The following PXK variants were observed in gnomAD, a reference collection of about 807,000 sequenced individuals.
PXK encodes the protein PX domain-containing protein kinase-like protein.
Under a neutral mutation model 84.7 loss-of-function variants are expected in PXK, and 35 were observed. The ratio of observed to expected loss-of-function variants is 0.41; its 90% confidence interval spans 0.32 to 0.55. PXK has a LOEUF of 0.55. Among genes scored for constraint, PXK ranks in the 20% least tolerant of loss-of-function variants. PXK has a pLI of 0.21. For synonymous variants in PXK, 253 were observed against 260.8 expected (o/e 0.97, Z 0.29); for missense variants, 634 against 699.7 (o/e 0.91, Z 1.06).
At chr3:58,368,075 G>A (rs530504203) in intron 2 of PXK, among the ~76,000 whole-genome samples, 54 of 151,584 alleles carry the variant, frequency 3.6e-4, no homozygotes, top group African/African-American at 1.3e-3. Flanking sequence ...AAGCTCAAGG[G>A]ATCCTCCTGC....
rs923337577 is a variant in PXK at position 58,421,322 on chromosome 3, C to G, written c.1529-3430C>G. ...GGGAGCCAGGCGCAGTGGCTCACAT[C>G]TATAATCTCAGCACTTTGGGAGGCT... On this transcript the variant is annotated intron_variant, in intron 17 of 17. Coordinates refer to ENST00000356151, the MANE Select transcript of PXK (RefSeq NM_017771.5). The surrounding 1 kb of genome is among the most constrained non-coding windows in gnomAD (Gnocchi z 5.5). 38 of 984,514 alleles carry G rather than the reference C, an allele frequency of 3.9e-5. No individual in the cohort carries two copies. The highest frequency in any genetic ancestry group is 1.8e-4 in the Admixed American group (3 of 16,266). 61.0% of individuals were successfully genotyped at this position (984,514 alleles called of 1,614,324 possible).
chr3:58,418,869 G>C (rs1451998378), intron 17 of PXK, among the ~76,000 whole-genome samples: 2 of 152,166 alleles, frequency 1.3e-5, no homozygotes, highest in African/African-American at 4.8e-5. Flanking sequence ...GTGGGAGCCC[G>C]CCCTCTGAAG....
intron 3 of PXK, among the ~76,000 whole-genome samples, chr3:58,374,951 A>G (rs931718848): frequency 6.6e-6 from 1 of 152,218 alleles, no homozygotes; most frequent in Admixed American, 6.5e-5. Flanking sequence ...TAGCAGGGAC[A>G]TTATAATTGC....
At position 58,385,785 on chromosome 3, in the gene PXK, C is replaced by A. The variant is rs560788482; in HGVS notation, c.388+3085C>A. On this transcript the variant is annotated intron_variant, in intron 4 of 17. Coordinates refer to ENST00000356151, the MANE Select transcript of PXK (RefSeq NM_017771.5). This position sits in a 1 kb window ranked among gnomAD's most constrained non-coding sequence, Gnocchi z 5.1. Reference sequence around the variant, plus strand: ...AAGTGCTGGGATTACAGGCATGAGCCACTGTGCCTGGCCCACTTTTCCCTT... The same window carrying A: ...AAGTGCTGGGATTACAGGCATGAGCAACTGTGCCTGGCCCACTTTTCCCTT... Among the ~76,000 whole-genome samples, 2 of 152,188 alleles carry A rather than the reference C, an allele frequency of 1.3e-5. No homozygotes were observed. The highest frequency in any genetic ancestry group is 2.9e-5 in the Non-Finnish European group (2 of 68,034).
intron 4 of PXK, among the ~76,000 whole-genome samples, chr3:58,387,113 C>T (rs2106670938): frequency 6.6e-6 from 1 of 152,324 alleles, no homozygotes; most frequent in South Asian, 2.1e-4. Flanking sequence ...AATTCAATGA[C>T]TGCTCGCACT....
At chr3:58,413,015 AG>A (rs1169994348) in intron 17 of PXK, 52 bp downstream of exon 17, 2 of 1,577,768 alleles carry the variant, frequency 1.3e-6, no homozygotes, top group African/African-American at 2.7e-5. Context: ...CAACAGGAGG[AG>A]CGGGCTGTGC....
At chr3:58,395,882 CAT>C in intron 9 of PXK, 123 bp downstream of exon 9, 1 of 713,944 alleles carries the variant, frequency 1.4e-6, no homozygotes. Flanking sequence ...AAACTGATTG[CAT>C]TGTCATATTT....
Position 58,376,953 on chromosome 3 carries a change from AT to A in PXK, c.202-5559del, listed in dbSNP as rs538977516. ...CTGTGCCCGGCCTACCCTTGATTTA[AT>A]TCATCATGTCCTTGAACCAAAAAAT... On this transcript the variant is annotated intron_variant, in intron 3 of 17. Coordinates refer to ENST00000356151, the MANE Select transcript of PXK (RefSeq NM_017771.5). Among the ~76,000 whole-genome samples the A allele has an allele frequency of 1.5e-4, 23 of 152,280 alleles. No individual in the cohort carries two copies. The East Asian group carries it at 4.2e-3, about 28-fold the overall frequency.
chr3:58,407,610 G>C lies in PXK; in HGVS notation c.1231-1314G>C, dbSNP rs1452662212. On this transcript the variant is annotated intron_variant, in intron 13 of 17. Coordinates refer to ENST00000356151, the MANE Select transcript of PXK (RefSeq NM_017771.5). The surrounding 1 kb of genome is among the most constrained non-coding windows in gnomAD (Gnocchi z 4.3). ...GGGGCTCGTTCTGTTGCTTAGGCTGGAGTGCAGCAGCACAATCTCAGCTCA... is the reference window on the plus strand; with the variant it reads ...GGGGCTCGTTCTGTTGCTTAGGCTGCAGTGCAGCAGCACAATCTCAGCTCA... Among the ~76,000 whole-genome samples, 1 of 151,318 alleles carries C rather than the reference G, an allele frequency of 6.6e-6. No homozygotes were observed. Among genetic ancestry groups the C allele is most frequent in the Non-Finnish European group, 1.5e-5 (1 of 67,850 alleles).
chr3:58,411,616 C>T lies in PXK; in HGVS notation c.1466-1285C>T, dbSNP rs2060216964. Among the ~76,000 whole-genome samples, 1 of 152,142 alleles carries T rather than the reference C, an allele frequency of 6.6e-6. No homozygotes were observed. Among genetic ancestry groups the T allele is most frequent in the Non-Finnish European group, 1.5e-5 (1 of 68,032 alleles). ...AGAAAGCCTGACAGTGTGCTCTCTA[C>T]CTTCTAAGACCCTGCCTGCCTGCAA... On this transcript the variant is annotated intron_variant, in intron 16 of 17. Transcript: ENST00000356151. The surrounding 1 kb of genome is among the most constrained non-coding windows in gnomAD (Gnocchi z 4.2).
At chr3:58,392,332 C>T (rs2098639407) in intron 7 of PXK, among the ~76,000 whole-genome samples, 1 of 152,190 alleles carries the variant, frequency 6.6e-6, no homozygotes, top group Non-Finnish European at 1.5e-5. Context: ...TAATCCAGGG[C>T]CTTCAGTGCA....
Position 58,421,624 on chromosome 3 carries a change from A to G in PXK, c.1529-3128A>G. On this transcript the variant is annotated intron_variant, in intron 17 of 17. Transcript: ENST00000356151. The surrounding 1 kb of genome is among the most constrained non-coding windows in gnomAD (Gnocchi z 5.5). The stretch of plus-strand genomic sequence containing the variant: ...GGAGGGACCCTCAGACATCCTGTCC[A>G]CAAGGCTGTCAAGGGGGTTTCTGGC... 1 of 988,344 alleles carries G rather than the reference A, an allele frequency of 1.0e-6. No homozygotes were observed. Among genetic ancestry groups the G allele is most frequent in the Non-Finnish European group, 1.2e-6 (1 of 830,396 alleles). The allele number at this position is 988,344 out of a possible 1,614,324, so 61.2% of individuals were successfully genotyped here. A position where few individuals can be genotyped will look rare whatever the true frequency, so the allele number is the denominator to read the frequency against.
intron 5 of PXK, 35 bp from the exon 6 acceptor site, chr3:58,391,112 G>A (rs750353236): frequency 1.9e-5 from 28 of 1,506,840 alleles, no homozygotes; most frequent in Middle Eastern, 1.7e-4. Flanking sequence ...TGCAAAAATT[G>A]TGCAGCTCTA....
rs1009026066 is a variant in PXK at position 58,385,321 on chromosome 3, A to C, written c.388+2621A>C. On this transcript the variant is annotated intron_variant, in intron 4 of 17. Coordinates refer to ENST00000356151, the MANE Select transcript of PXK (RefSeq NM_017771.5). This position sits in a 1 kb window ranked among gnomAD's most constrained non-coding sequence, Gnocchi z 5.1. The stretch of plus-strand genomic sequence containing the variant: ...GATGTTGATTTATTTCACCCTTTGA[A>C]TGAAATTTCGGAGTTTGTCTAGCCT... Among the ~76,000 whole-genome samples the C allele has an allele frequency of 6.6e-6, 1 of 152,202 alleles. No individual in the cohort carries two copies.
intron 3 of PXK, 145 bp downstream of exon 3, chr3:58,369,623 C>G: frequency 1.7e-6 from 1 of 588,154 alleles, no homozygotes; most frequent in Non-Finnish European, 3.0e-6. Flanking sequence ...GTCAGGCGTT[C>G]AAGACCACCT....
At chr3:58,396,142 C>T (rs2057626379) in intron 9 of PXK, among the ~76,000 whole-genome samples, 1 of 152,162 alleles carries the variant, frequency 6.6e-6, no homozygotes, top group Non-Finnish European at 1.5e-5. Flanking sequence ...TCCGACATCA[C>T]CCTCTAGATC....
rs1251052426 is a variant in PXK, at chr3:58,336,061, ATATATATATATTTT to A, written c.102+2973_102+2986del. Among the ~76,000 whole-genome samples the A allele has an allele frequency of 2.5e-3, 145 of 57,858 alleles. 2 individuals are homozygous for A. The highest frequency in any genetic ancestry group is 0.014 in the African/African-American group (132 of 9,318). 38.0% of individuals were successfully genotyped at this position (57,858 alleles called of 152,430 possible). Reference sequence around the variant, plus strand: ...AACATATATATATATATATATATATATATATATATATTTTTTTTTTTTTTTTTTAATACCAATGG... The same window carrying A: ...AACATATATATATATATATATATATATTTTTTTTTTTTTTAATACCAATGG... On this transcript the variant is annotated intron_variant, in intron 1 of 17. Transcript: ENST00000356151.
chr3:58,335,717 C>T (rs192489879), intron 1 of PXK, among the ~76,000 whole-genome samples: 59 of 152,088 alleles, frequency 3.9e-4, no homozygotes, highest in Admixed American at 6.6e-4. Flanking sequence ...GAGGCAAGAC[C>T]TTAATACAGG....
chr3:58,387,750 A>G (rs1318150462), intron 4 of PXK, among the ~76,000 whole-genome samples: 2 of 152,152 alleles, frequency 1.3e-5, no homozygotes, highest in African/African-American at 4.8e-5. Context: ...ATTCACAGGT[A>G]ATCGCATAAG....
Sources: gnomAD v4.1 joint callset for allele counts (sites outside exome capture counted in the v4.1 genomes callset) on GRCh38, gnomAD v4.1.1 for gene constraint, Gnocchi (gnomAD v3.1) non-coding constraint, MANE v1.5 for transcripts, NCBI Gene and HGNC (gene_info 2026-07-23, HGNC 2026-07-21) for gene names.